Variants in CSMD3 observed in about 807,000 individuals in gnomAD.
CSMD3 encodes the protein CUB and sushi domain-containing protein 3.
In CSMD3, 177 loss-of-function variants were observed where a neutral mutation model predicts 435.2. The ratio of observed to expected loss-of-function variants is 0.41; its 90% CI spans 0.36 to 0.46. The LOEUF is 0.46. Among genes scored for constraint, CSMD3 ranks in the 20% least tolerant of loss-of-function variants. CSMD3 has a pLI of 0.34. For synonymous variants in CSMD3, 1,656 were observed against 1,520.5 expected (o/e 1.09, Z -2.07); for missense variants, 4,265 against 4,504.6 (o/e 0.95, Z 1.52).
At chr8:112,498,245 C>A (rs1821574840) in intron 30 of CSMD3, among the ~76,000 whole-genome samples, 1 of 152,112 alleles carries the variant, frequency 6.6e-6, no homozygotes, top group East Asian at 1.9e-4. Context: ...TGCATTATCT[C>A]TGTCCTTCCC....
At chr8:112,671,248 G>GT (rs1036821479) in intron 16 of CSMD3, among the ~76,000 whole-genome samples, 1 of 151,594 alleles carries the variant, frequency 6.6e-6, no homozygotes, top group Non-Finnish European at 1.5e-5. Flanking sequence ...AAACTTGTTT[G>GT]TTTTTTTTCC....
intron 5 of CSMD3, among the ~76,000 whole-genome samples, chr8:113,026,933 A>T (rs1031950473): frequency 6.6e-6 from 1 of 152,192 alleles, no homozygotes; most frequent in Non-Finnish European, 1.5e-5. Context: ...GTTCTAAATT[A>T]TAAGAAGCTG....
At chr8:113,238,669 T>G in intron 3 of CSMD3, among the ~76,000 whole-genome samples, 1 of 152,290 alleles carries the variant, frequency 6.6e-6, no homozygotes. Context: ...ATTTTGCGTC[T>G]TTTTGCTAGA....
intron 3 of CSMD3, among the ~76,000 whole-genome samples, chr8:113,243,158 C>A (rs962724874): frequency 3.3e-5 from 5 of 151,612 alleles, no homozygotes; most frequent in Non-Finnish European, 7.4e-5. Flanking sequence ...ATATATTAAG[C>A]TCCACTTAAA....
intron 13 of CSMD3, among the ~76,000 whole-genome samples, chr8:112,729,970 A>T (rs781476600): frequency 6.6e-6 from 1 of 152,144 alleles, no homozygotes; most frequent in Non-Finnish European, 1.5e-5. Context: ...TAGTGTACTT[A>T]GAAACAAATA....
At chr8:113,036,934 T>C (rs1335548424) in intron 5 of CSMD3, among the ~76,000 whole-genome samples, 40 of 152,102 alleles carry the variant, frequency 2.6e-4, no homozygotes. Flanking sequence ...TATGCATATA[T>C]TTTGCAGGTT....
At chr8:112,818,183 A>G (rs566507427) in intron 12 of CSMD3, among the ~76,000 whole-genome samples, 5 of 152,154 alleles carry the variant, frequency 3.3e-5, no homozygotes, top group East Asian at 1.9e-4. Flanking sequence ...CCTTATATTT[A>G]CAATACTTAA....
At chr8:113,316,487 AT>A (rs950474752) in intron 1 of CSMD3, among the ~76,000 whole-genome samples, 14 of 152,110 alleles carry the variant, frequency 9.2e-5, no homozygotes, top group South Asian at 4.2e-4. Flanking sequence ...TTTATTCCAC[AT>A]TCTTTTCACA....
intron 35 of CSMD3, 63 bp downstream of exon 35, chr8:112,406,461 A>G (rs1586218764): frequency 9.2e-7 from 1 of 1,082,944 alleles, no homozygotes; most frequent in Non-Finnish European, 1.4e-6. Context: ...AAAAATTGAA[A>G]GATGTAACCA....
chr8:113,396,958 A>G (rs531268747), intron 1 of CSMD3, among the ~76,000 whole-genome samples: 26 of 152,166 alleles, frequency 1.7e-4, no homozygotes, highest in Non-Finnish European at 3.7e-4. Flanking sequence ...ACAGTACCTG[A>G]CACATAAAAG....
At position 112,975,884 on chromosome 8, in the gene CSMD3, G is replaced by C. The variant is rs2130932030; in HGVS notation, c.1295C>G (p.Ala432Gly). The C allele has an allele frequency of 1.2e-6, 2 of 1,613,870 alleles. No individual in the cohort carries two copies. Among genetic ancestry groups the C allele is most frequent in the Non-Finnish European group, 1.7e-6 (2 of 1,179,912 alleles). ...CTCTTTAGTTCTTTCTATCTGTTCA[G>C]CATGTCTTGGTCTTCTCCTGGTACT... Reference protein sequence around the residue: ...TQSTRRRPRHAEQIERTKELA... With the variant: ...TQSTRRRPRHGEQIERTKELA... Residue 432 changes from alanine (A) to glycine (G), a missense_variant, in exon 7 of 71, where the codon GCT becomes GGT. Coordinates refer to ENST00000297405, the MANE Select transcript of CSMD3 (RefSeq NM_198123.2).
intron 50 of CSMD3, among the ~76,000 whole-genome samples, chr8:112,307,254 C>T (rs554023357): frequency 1.3e-5 from 2 of 152,036 alleles, no homozygotes; most frequent in Admixed American, 6.6e-5. Context: ...ACCCTAGTAG[C>T]TGGGACTACA....
At chr8:112,395,046 C>A (rs1487629301) in intron 35 of CSMD3, among the ~76,000 whole-genome samples, 3 of 152,188 alleles carry the variant, frequency 2.0e-5, no homozygotes, top group African/African-American at 7.2e-5. Context: ...AATTCTACTG[C>A]AATCATATTT....
At chr8:113,135,204 C>T (rs1377276395) in intron 4 of CSMD3, among the ~76,000 whole-genome samples, 1 of 151,910 alleles carries the variant, frequency 6.6e-6, no homozygotes, top group African/African-American at 2.4e-5. Flanking sequence ...TTATAATTTC[C>T]ACACTAACTT....
intron 4 of CSMD3, among the ~76,000 whole-genome samples, chr8:113,116,800 G>A (rs1027767887): frequency 6.6e-6 from 1 of 152,192 alleles, no homozygotes; most frequent in Non-Finnish European, 1.5e-5. Flanking sequence ...TCCAGGCTGA[G>A]GTGGTCTCAG....
At chr8:112,441,286 G>A (rs550919893) in intron 32 of CSMD3, among the ~76,000 whole-genome samples, 7 of 152,138 alleles carry the variant, frequency 4.6e-5, no homozygotes, top group East Asian at 3.9e-4. Context: ...TGAGACCACC[G>A]CAGCCTGGAC....
At chr8:112,498,864 G>C (rs984023154) in intron 30 of CSMD3, among the ~76,000 whole-genome samples, 1 of 151,992 alleles carries the variant, frequency 6.6e-6, no homozygotes, top group East Asian at 1.9e-4. Flanking sequence ...CACATTTAAA[G>C]AATGTTATTA....
intron 64 of CSMD3, among the ~76,000 whole-genome samples, chr8:112,245,302 C>T (rs1050055543): frequency 6.6e-6 from 1 of 151,978 alleles, no homozygotes; most frequent in African/African-American, 2.4e-5. Context: ...CCATTCCTTT[C>T]TCCGTCAGAG....
intron 13 of CSMD3, among the ~76,000 whole-genome samples, chr8:112,706,403 GA>G (rs905524227): frequency 4.6e-5 from 7 of 151,690 alleles, no homozygotes; most frequent in Admixed American, 1.3e-4. Context: ...GGAATATGGA[GA>G]AAAAAAATAA....
Sources: gnomAD v4.1 joint callset for allele counts (sites outside exome capture counted in the v4.1 genomes callset) on GRCh38, gnomAD v4.1.1 for gene constraint, MANE v1.5 for transcripts, NCBI Gene and HGNC (gene_info 2026-07-23, HGNC 2026-07-21) for gene names.